GALNT13: variants seen among roughly 807,000 people sequenced by gnomAD.
GALNT13 encodes the protein UDP-GalNAc:polypeptide N-acetylgalactosaminyltransferase 13.
A neutral mutation model predicts 64.2 loss-of-function variants in GALNT13; 28 were observed. The ratio of observed to expected loss-of-function variants is 0.44; its 90% CI spans 0.32 to 0.60. GALNT13 has a LOEUF of 0.60. Ranked by LOEUF, GALNT13 falls within the 20% of genes least tolerant of loss-of-function variation. The pLI is 0.05. For missense variants in GALNT13, 577 were observed against 669.8 expected (o/e 0.86, Z 1.53); for synonymous variants, 214 against 224.6 (o/e 0.95, Z 0.42).
chr2:153,587,688 A>T, the GALNT13 span, among the ~76,000 whole-genome samples: 6 of 152,176 alleles, frequency 3.9e-5, no homozygotes, highest in Non-Finnish European at 8.8e-5. Context: ...TTGGGTAGGG[A>T]CACAGCCAAA....
At chr2:153,667,218 A>C in the GALNT13 span, among the ~76,000 whole-genome samples, 2 of 152,186 alleles carry the variant, frequency 1.3e-5, no homozygotes, top group Non-Finnish European at 2.9e-5. Flanking sequence ...ATTTGAGGAT[A>C]TCATCCCTGA....
intron 6 of GALNT13, among the ~76,000 whole-genome samples, chr2:154,245,082 G>A (rs1478158832): frequency 6.7e-6 from 1 of 149,142 alleles, no homozygotes; most frequent in African/African-American, 2.5e-5. Context: ...CTCCAGCCTG[G>A]GTGACAGGGC....
chr2:153,565,394 G>A, the GALNT13 span, among the ~76,000 whole-genome samples: 1 of 152,082 alleles, frequency 6.6e-6, no homozygotes, highest in Non-Finnish European at 1.5e-5. Flanking sequence ...ACATTTCTGG[G>A]TGGTTGGCAA....
intron 11 of GALNT13, among the ~76,000 whole-genome samples, chr2:154,411,578 A>G (rs1009555454): frequency 6.6e-6 from 1 of 151,852 alleles, no homozygotes; most frequent in Admixed American, 6.6e-5. Context: ...ATGAAAAAAT[A>G]TTTGAACAAT....
At chr2:153,504,984 A>AAG in the GALNT13 span, among the ~76,000 whole-genome samples, 12 of 152,206 alleles carry the variant, frequency 7.9e-5, no homozygotes, top group Non-Finnish European at 1.5e-4. Context: ...AATGTCTGAT[A>AAG]GAATTCAGCA....
the GALNT13 span, among the ~76,000 whole-genome samples, chr2:153,807,488 A>G: frequency 2.0e-5 from 3 of 151,872 alleles, no homozygotes; most frequent in Non-Finnish European, 2.9e-5. Flanking sequence ...TAGATATTGT[A>G]TATGTATAAA....
the GALNT13 span, among the ~76,000 whole-genome samples, chr2:153,379,625 G>T: frequency 6.6e-6 from 1 of 152,174 alleles, no homozygotes; most frequent in Admixed American, 6.6e-5. Context: ...CTACGAAGAA[G>T]TTGGGACTGA....
At chr2:153,535,793 T>C in the GALNT13 span, among the ~76,000 whole-genome samples, 1 of 152,308 alleles carries the variant, frequency 6.6e-6, no homozygotes, top group South Asian at 2.1e-4. Flanking sequence ...AAGGTTTCAC[T>C]GAATACTAAG....
chr2:153,331,628 G>C, the GALNT13 span, among the ~76,000 whole-genome samples: 5 of 149,806 alleles, frequency 3.3e-5, no homozygotes, highest in Admixed American at 3.3e-4. Flanking sequence ...TCCTTTTCAC[G>C]TTTTTTTTTG....
At chr2:153,490,183 C>T in the GALNT13 span, among the ~76,000 whole-genome samples, 1 of 151,996 alleles carries the variant, frequency 6.6e-6, no homozygotes, top group African/African-American at 2.4e-5. Flanking sequence ...AAGATGGCTG[C>T]CTTTGGATAA....
intron 8 of GALNT13, among the ~76,000 whole-genome samples, chr2:154,279,431 T>C (rs1691837781): frequency 6.6e-6 from 1 of 152,132 alleles, no homozygotes. Context: ...GAGCTCTTTT[T>C]GATCTCAAGG....
chr2:153,217,729 C>T, the GALNT13 span, among the ~76,000 whole-genome samples: 1 of 148,370 alleles, frequency 6.7e-6, no homozygotes, highest in African/African-American at 2.5e-5. Context: ...ATGTTTCCCC[C>T]TGTTTCTCTT....
At chr2:153,635,715 C>A in the GALNT13 span, among the ~76,000 whole-genome samples, 1 of 152,000 alleles carries the variant, frequency 6.6e-6, no homozygotes, top group Admixed American at 6.6e-5. Context: ...CTGTGTAACT[C>A]CACTAATTTT....
chr2:154,042,589 T>A (rs1699039314), intron 3 of GALNT13, among the ~76,000 whole-genome samples: 1 of 101,042 alleles, frequency 9.9e-6, no homozygotes, highest in African/African-American at 2.7e-5. Context: ...TTTTCTTTCT[T>A]ATTTGTTCAT....
At chr2:153,478,614 A>AGGC in the GALNT13 span, 2 of 1,439,898 alleles carry the variant, frequency 1.4e-6, no homozygotes, top group Non-Finnish European at 1.9e-6. Context: ...AGGGGTGGGA[A>AGGC]GGCGGCGGCG....
chr2:154,300,966 A>G (rs762290747), intron 8 of GALNT13, among the ~76,000 whole-genome samples: 1 of 152,212 alleles, frequency 6.6e-6, no homozygotes, highest in African/African-American at 2.4e-5. Flanking sequence ...CAAAGGCTTA[A>G]GATGCAAGGT....
the GALNT13 span, among the ~76,000 whole-genome samples, chr2:153,488,476 A>T: frequency 6.6e-6 from 1 of 152,134 alleles, no homozygotes; most frequent in South Asian, 2.1e-4. Context: ...CTGCTGAGTG[A>T]CCCACTTTAA....
chr2:153,718,792 T>C, the GALNT13 span, among the ~76,000 whole-genome samples: 2 of 152,182 alleles, frequency 1.3e-5, no homozygotes. Context: ...CCTCACAGTG[T>C]TGTGAAGGTC....
intron 3 of GALNT13, among the ~76,000 whole-genome samples, chr2:154,042,050 A>T (rs1022965765): frequency 2.8e-5 from 4 of 140,788 alleles, no homozygotes; most frequent in African/African-American, 9.8e-5. Context: ...GGAATGTTTT[A>T]TAATTGATTT....
Sources: allele counts gnomAD v4.1 joint callset (sites outside exome capture counted in the v4.1 genomes callset), GRCh38; gene constraint gnomAD v4.1.1; transcripts MANE v1.5; gene names NCBI Gene and HGNC (gene_info 2026-07-23, HGNC 2026-07-21).